The following NDUFA9 variants were observed in gnomAD, a reference collection of about 807,000 sequenced individuals.
NDUFA9 encodes the protein NADH dehydrogenase [ubiquinone] 1 alpha subcomplex subunit 9, mitochondrial.
NDUFA9 carries 23 observed loss-of-function variants against 45.9 expected under a neutral mutation model. The observed-to-expected ratio is 0.50, with a 90% CI of 0.36 to 0.71. NDUFA9 has a LOEUF of 0.71. Among genes scored for constraint, NDUFA9 ranks in the 30% least tolerant of loss-of-function variants. The pLI, the probability that NDUFA9 is intolerant of heterozygous loss-of-function variation, is 0.00. For missense variants in NDUFA9, 466 were observed against 488.2 expected (o/e 0.95, Z 0.43); for synonymous variants, 176 against 170.5 (o/e 1.03, Z -0.25).
rs2137462577 is a variant in NDUFA9 at position 4,654,901 on chromosome 12, C to T, written c.297C>T (p.Asp99=). 5.6e-6 allele frequency: 9 copies of T among 1,613,690 alleles called. No homozygotes were observed. Among genetic ancestry groups the T allele is most frequent in the East Asian group, 4.5e-5 (2 of 44,876 alleles). Residue 99 remains aspartate (D), a synonymous_variant, in exon 3 of 11, where the codon GAC becomes GAT. Transcript: ENST00000266544. The part of the protein sequence containing the change: ...YDIMHLRPMG[D]LGQLLFLEWD... ...TCATGCACCTTCGTCCCATGGGTGA[C>T]CTGGGCCAGCTTCTGTTTCTGGTAA...
At chr12:4,672,957 C>A (rs1187864461) in intron 8 of NDUFA9, among the ~76,000 whole-genome samples, 2 of 152,182 alleles carry the variant, frequency 1.3e-5, no homozygotes, top group Non-Finnish European at 2.9e-5. Context: ...CTGTAGGGGC[C>A]AACAGACACC....
At chr12:4,664,742 C>T (rs1945843409) in intron 6 of NDUFA9, among the ~76,000 whole-genome samples, 1 of 152,208 alleles carries the variant, frequency 6.6e-6, no homozygotes, top group Non-Finnish European at 1.5e-5. Flanking sequence ...ACCACCACCT[C>T]TGTGAATCTA....
chr12:4,668,506 A>G lies in NDUFA9; in HGVS notation c.705A>G (p.Thr235=), dbSNP rs1409191611. The stretch of plus-strand genomic sequence containing the variant: ...CCCTTGGTTCCTTGGGCTGGAAGAC[A>G]GTTAAACAACCAGTATATGTAAGTA... ...PIPLGSLGWK[T]VKQPVYVVDV... The change falls in exon 7 of 11, where the codon ACA becomes ACG. Residue 235 remains threonine, a synonymous_variant. Transcript: ENST00000266544. The G allele has an allele frequency of 1.2e-6, 2 of 1,612,872 alleles. No individual in the cohort carries two copies. The highest frequency in any genetic ancestry group is 1.7e-6 in the Non-Finnish European group (2 of 1,178,954).
chr12:4,677,092 A>G (rs1945924399), intron 8 of NDUFA9, among the ~76,000 whole-genome samples: 1 of 152,214 alleles, frequency 6.6e-6, no homozygotes, highest in African/African-American at 2.4e-5. Context: ...AAAACTGGCT[A>G]GCCATATGCA....
chr12:4,657,673 T>G, intron 3 of NDUFA9, 75 bp from the exon 4 acceptor site: 3 of 1,049,556 alleles, frequency 2.9e-6, no homozygotes, highest in African/African-American at 1.6e-5. Flanking sequence ...GAAACTTGCA[T>G]TGAGGAGGCT....
chr12:4,685,141 A>G (rs1178478696), intron 9 of NDUFA9, 118 bp from the exon 10 acceptor site: 1 of 917,068 alleles, frequency 1.1e-6, no homozygotes, highest in East Asian at 2.6e-5. Context: ...TTCTTAAAAA[A>G]AAAAAATCAG....
chr12:4,667,053 C>G (rs192217327), intron 6 of NDUFA9, among the ~76,000 whole-genome samples: 49 of 152,256 alleles, frequency 3.2e-4, no homozygotes, highest in Admixed American at 1.8e-3. Context: ...TCCAACAGTT[C>G]TGGAGGCTGG....
chr12:4,671,461 A>G (rs553851927), intron 8 of NDUFA9, among the ~76,000 whole-genome samples: 201 of 152,266 alleles, frequency 1.3e-3, no homozygotes, highest in Non-Finnish European at 2.4e-3. Flanking sequence ...ATTATACCTA[A>G]TAAGTAATGA....
intron 6 of NDUFA9, among the ~76,000 whole-genome samples, chr12:4,667,101 C>T (rs1040845155): frequency 1.3e-5 from 2 of 152,160 alleles, no homozygotes; most frequent in African/African-American, 2.4e-5. Flanking sequence ...TGGTGAGGGC[C>T]TTCTTGCTGT....
chr12:4,651,845 T>C (rs12811453), intron 1 of NDUFA9, among the ~76,000 whole-genome samples: 35,269 of 152,080 alleles, frequency 0.23, 4,409 homozygotes, highest in Middle Eastern at 0.39. Flanking sequence ...AACAAAACTT[T>C]CCACGTAATT....
At chr12:4,651,702 T>C (rs756616443) in intron 1 of NDUFA9, among the ~76,000 whole-genome samples, 1 of 152,186 alleles carries the variant, frequency 6.6e-6, no homozygotes, top group Non-Finnish European at 1.5e-5. Flanking sequence ...TCCCAGTTCA[T>C]TGACTCTGCC....
At chr12:4,676,076 G>A (rs986415052) in intron 8 of NDUFA9, among the ~76,000 whole-genome samples, 7 of 152,244 alleles carry the variant, frequency 4.6e-5, no homozygotes, top group East Asian at 3.9e-4. Context: ...GAAGGCCTTC[G>A]ACAAAATTCA....
intron 1 of NDUFA9, among the ~76,000 whole-genome samples, chr12:4,653,134 T>C (rs1945769184): frequency 6.6e-6 from 1 of 152,262 alleles, no homozygotes; most frequent in Non-Finnish European, 1.5e-5. Context: ...AAAATTCTAT[T>C]CTAAGGAGTT....
At chr12:4,668,170 G>A (rs1476114829) in intron 6 of NDUFA9, among the ~76,000 whole-genome samples, 2 of 152,186 alleles carry the variant, frequency 1.3e-5, no homozygotes, top group Non-Finnish European at 2.9e-5. Context: ...CTAGAGTCCA[G>A]TCTTGGTCGT....
intron 5 of NDUFA9, among the ~76,000 whole-genome samples, chr12:4,660,300 G>C (rs1945816307): frequency 6.6e-6 from 1 of 152,168 alleles, no homozygotes; most frequent in Non-Finnish European, 1.5e-5. Flanking sequence ...TTTTAACTCT[G>C]TCTAGGTAAT....
At chr12:4,652,359 C>T (rs1462956668) in intron 1 of NDUFA9, among the ~76,000 whole-genome samples, 1 of 152,150 alleles carries the variant, frequency 6.6e-6, no homozygotes, top group Non-Finnish European at 1.5e-5. Context: ...TCCTTGTTTT[C>T]TCTAGTTCCA....
chr12:4,667,842 A>G (rs1945862526), intron 6 of NDUFA9, among the ~76,000 whole-genome samples: 1 of 151,818 alleles, frequency 6.6e-6, no homozygotes, highest in South Asian at 2.1e-4. Context: ...TAAAAAAAAA[A>G]GAAAAACAAA....
chr12:4,664,705 A>G (rs1333831897), intron 6 of NDUFA9, among the ~76,000 whole-genome samples: 1 of 152,196 alleles, frequency 6.6e-6, no homozygotes, highest in South Asian at 2.1e-4. Flanking sequence ...AGTTAGAACT[A>G]CCGCTTCAGT....
intron 9 of NDUFA9, among the ~76,000 whole-genome samples, chr12:4,682,647 G>A (rs755415631): frequency 1.3e-5 from 2 of 152,142 alleles, no homozygotes; most frequent in Admixed American, 6.5e-5. Flanking sequence ...GTTTCATGTC[G>A]CTCATTATTA....
Sources: allele counts gnomAD v4.1 joint callset (sites outside exome capture counted in the v4.1 genomes callset), GRCh38; gene constraint gnomAD v4.1.1; transcripts MANE v1.5; gene names NCBI Gene and HGNC (gene_info 2026-07-23, HGNC 2026-07-21).